Variants in MYH13 observed in about 807,000 individuals in gnomAD.
MYH13 encodes the protein myosin heavy chain 13, also known as myosin-13.
In MYH13, 177 loss-of-function variants were observed where a neutral mutation model predicts 232.1. The observed-to-expected ratio is 0.76, with a 90% CI of 0.67 to 0.86. The LOEUF (loss-of-function observed/expected upper bound fraction) is 0.86, where lower values mean the gene tolerates loss of function less well. Ranked by LOEUF, MYH13 falls within the 40% of genes least tolerant of loss-of-function variation. The pLI is 0.00. For missense variants in MYH13, 2,246 were observed against 2,405.9 expected (o/e 0.93, Z 1.39); for synonymous variants, 884 against 923.5 (o/e 0.96, Z 0.78).
intron 11 of MYH13, among the ~76,000 whole-genome samples, chr17:10,351,235 A>AAAAAAAAAAAAAAAAAAAT (rs2071708673): frequency 6.7e-6 from 1 of 149,818 alleles, no homozygotes. Context: ...AAAAAAAAAA[A>AAAAAAAAAAAAAAAAAAAT]GAGAACTGAT....
In MYH13 at chr17:10,363,921, C is replaced by T. The variant is rs575959780; in HGVS notation, c.204+406G>A. ...CTATGACCTAGACCTGGTAGATGTC[C>T]GGTAAGTACTGAATGGTACATGATA... On this transcript the variant is annotated intron_variant, in intron 3 of 40. Transcript: ENST00000252172. Among the ~76,000 whole-genome samples the T allele has an allele frequency of 4.1e-3, 623 of 152,234 alleles. 7 individuals are homozygous for T. The highest frequency in any genetic ancestry group is 0.014 in the African/African-American group (583 of 41,534).
At chr17:10,357,605 T>C (rs1484308355) in intron 8 of MYH13, 130 bp downstream of exon 8, 9 of 737,408 alleles carry the variant, frequency 1.2e-5, no homozygotes, top group South Asian at 2.0e-5. Flanking sequence ...GGTGGGTAGA[T>C]TGATCTCAAT....
chr17:10,311,118 G>A lies in MYH13; in HGVS notation c.4641C>T (p.Ala1547=), dbSNP rs577110703. The part of the protein sequence containing the change: ...VEQEKSDLQV[A]LEEVEGSLEH... The stretch of plus-strand genomic sequence containing the variant: ...AGACACTTACCTCCACTTCTTCTAA[G>A]GCGACCTGCAGATCTGACTTTTCCT... Residue 1547 remains alanine (A), a synonymous_variant, in exon 33 of 41, where the codon GCC becomes GCT. Coordinates refer to ENST00000252172, the MANE Select transcript of MYH13 (RefSeq NM_003802.3). The A allele has an allele frequency of 1.2e-6, 2 of 1,613,942 alleles. No homozygotes were observed. Among genetic ancestry groups the A allele is most frequent in the South Asian group, 1.1e-5 (1 of 91,082 alleles).
intron 11 of MYH13, among the ~76,000 whole-genome samples, chr17:10,351,234 A>AAAAAAAAAAAAAAAAAAAAAAAG (rs796765349): frequency 6.7e-6 from 1 of 150,290 alleles, no homozygotes. Flanking sequence ...AAAAAAAAAA[A>AAAAAAAAAAAAAAAAAAAAAAAG]AGAGAACTGA....
intron 29 of MYH13, among the ~76,000 whole-genome samples, chr17:10,314,379 C>T (rs1240920847): frequency 1.3e-5 from 2 of 150,868 alleles, no homozygotes; most frequent in Non-Finnish European, 2.9e-5. Context: ...CGAGCCATTG[C>T]ACTCCAGCCT....
At chr17:10,328,240 G>T in intron 21 of MYH13, 119 bp from the exon 22 acceptor site, 1 of 1,155,798 alleles carries the variant, frequency 8.7e-7, no homozygotes, top group Non-Finnish European at 1.2e-6. Flanking sequence ...AGGAGGTGCA[G>T]CCAAGCTTGG....
chr17:10,317,987 A>G, intron 27 of MYH13: 1 of 152,368 alleles, frequency 6.6e-6, no homozygotes, highest in Non-Finnish European at 1.5e-5. Context: ...CATGCCTGTA[A>G]TCCCAGCACT....
At position 10,319,218 on chromosome 17, in the gene MYH13, AG is replaced by A. The variant is rs767465247; in HGVS notation, c.3349-40del. 1.8e-5 allele frequency: 28 copies of A among 1,586,354 alleles called. No individual in the cohort carries two copies. In the African/African-American group the frequency reaches 3.1e-4, roughly 18 times the overall value. On this transcript the variant is annotated intron_variant, in intron 26 of 40. Coordinates refer to ENST00000252172, the MANE Select transcript of MYH13 (RefSeq NM_003802.3). Reference sequence around the variant, plus strand: ...TCTATCAGGAATGTTATTGTGGAGGAGGGGGCAGCCCCCTTTGAGAGGGGCT... The same window carrying A: ...TCTATCAGGAATGTTATTGTGGAGGAGGGGCAGCCCCCTTTGAGAGGGGCT...
intron 12 of MYH13, among the ~76,000 whole-genome samples, chr17:10,348,280 CTTA>C (rs2071683360): frequency 6.6e-6 from 1 of 152,216 alleles, no homozygotes; most frequent in Admixed American, 6.5e-5. Context: ...CCAAGTCCTG[CTTA>C]TTTCACTCTC....
chr17:10,301,078 G>T, intron 40 of MYH13, 113 bp from the exon 41 acceptor site: 1 of 965,590 alleles, frequency 1.0e-6, no homozygotes. Context: ...GAATATTAAG[G>T]AATGGCGTTG....
At chr17:10,357,932 G>A (rs755869526) in intron 7 of MYH13, 105 bp from the exon 8 acceptor site, 17 of 947,834 alleles carry the variant, frequency 1.8e-5, no homozygotes, top group South Asian at 7.7e-5. Context: ...AGGTAGAGAT[G>A]TCGACCAGCT....
At chr17:10,360,354 A>T (rs2071782431) in intron 5 of MYH13, among the ~76,000 whole-genome samples, 166 bp from the exon 6 acceptor site, 1 of 152,206 alleles carries the variant, frequency 6.6e-6, no homozygotes, top group Non-Finnish European at 1.5e-5. Context: ...CAATTTAGGC[A>T]GATTTCTCAA....
intron 18 of MYH13, among the ~76,000 whole-genome samples, chr17:10,338,512 TG>T (rs1177230021): frequency 6.6e-6 from 1 of 151,846 alleles, no homozygotes; most frequent in African/African-American, 2.4e-5. Context: ...CAACATTTGC[TG>T]GGTGTTCACA....
In MYH13 at chr17:10,354,550, T is replaced by C. The variant is rs2071733679; in HGVS notation, c.1005+130A>G. ...CTGTGCTAATTCTCTGAGCTCTTGA[T>C]CTCTGAGATCTTGAGTCTAATCACT... is the stretch of plus-strand genomic sequence containing the variant. On this transcript the variant is annotated intron_variant, in intron 11 of 40. Transcript: ENST00000252172. The C allele has an allele frequency of 1.1e-5, 9 of 810,068 alleles. No homozygotes were observed. The South Asian group carries it at 1.6e-4, about 15-fold the overall frequency. The allele number at this position is 810,068 out of a possible 1,614,324, so 50.2% of individuals were successfully genotyped here. A position where few individuals can be genotyped will look rare whatever the true frequency, so the allele number is the denominator to read the frequency against.
chr17:10,371,092 T>C (rs2071874477), intron 2 of MYH13, 117 bp downstream of exon 2: 1 of 152,244 alleles, frequency 6.6e-6, no homozygotes, highest in African/African-American at 2.4e-5. Context: ...GTTAAGTTAT[T>C]GGTTTCAAAC....
At position 10,306,326 on chromosome 17, in the gene MYH13, A is replaced by C. The variant is rs1360132109; in HGVS notation, c.5466+133T>G. 4.7e-6 allele frequency: 6 copies of C among 1,283,124 alleles called. No individual in the cohort carries two copies. Among genetic ancestry groups the C allele is most frequent in the Non-Finnish European group, 5.4e-6 (5 of 926,832 alleles). 79.5% of individuals were successfully genotyped at this position (1,283,124 alleles called of 1,614,324 possible). A position where few individuals can be genotyped will look rare whatever the true frequency, so the allele number is the denominator to read the frequency against. Reference sequence around the variant, plus strand: ...AGGTGAGAAATGAAGCTCACAGGGAATTTTTCAAGCAGTCCTGAAACTGAA... The same window carrying C: ...AGGTGAGAAATGAAGCTCACAGGGACTTTTTCAAGCAGTCCTGAAACTGAA... On this transcript the variant is annotated intron_variant, in intron 37 of 40. Coordinates refer to ENST00000252172, the MANE Select transcript of MYH13 (RefSeq NM_003802.3). The surrounding 1 kb of genome is among the most constrained non-coding windows in gnomAD (Gnocchi z 4.3).
intron 5 of MYH13, among the ~76,000 whole-genome samples, 174 bp downstream of exon 5, chr17:10,361,944 A>G (rs2071797202): frequency 6.6e-6 from 1 of 152,252 alleles, no homozygotes; most frequent in Non-Finnish European, 1.5e-5. Flanking sequence ...AGGCCTTGTC[A>G]TGCACTGTGA....
At chr17:10,315,625 A>T in intron 29 of MYH13, 68 bp downstream of exon 29, 1 of 1,400,202 alleles carries the variant, frequency 7.1e-7, no homozygotes. Context: ...CACTGCTCTG[A>T]CCAGCTTCAC....
intron 23 of MYH13, 75 bp downstream of exon 23, chr17:10,323,947 C>T: frequency 6.4e-7 from 1 of 1,566,230 alleles, no homozygotes; most frequent in East Asian, 2.3e-5. Context: ...ACTCCTACGC[C>T]ACCCTTTCTC....
Sources: gnomAD v4.1 joint callset for allele counts (sites outside exome capture counted in the v4.1 genomes callset) on GRCh38, gnomAD v4.1.1 for gene constraint, Gnocchi (gnomAD v3.1) non-coding constraint, MANE v1.5 for transcripts, NCBI Gene and HGNC (gene_info 2026-07-23, HGNC 2026-07-21) for gene names.